The following MACROD2 variants were observed in gnomAD, a reference collection of about 807,000 sequenced individuals.
MACROD2 encodes the protein ADP-ribose glycohydrolase MACROD2.
In MACROD2, 36 loss-of-function variants were observed where a neutral mutation model predicts 70.4. The observed-to-expected ratio is 0.51, with a 90% CI of 0.39 to 0.68. The LOEUF is 0.68. Among genes scored for constraint, MACROD2 ranks in the 30% least tolerant of loss-of-function variants. The pLI, the probability that MACROD2 is intolerant of heterozygous loss-of-function variation, is 0.00. For synonymous variants in MACROD2, 172 were observed against 178.8 expected (o/e 0.96, Z 0.30); for missense variants, 496 against 538.4 (o/e 0.92, Z 0.78).
Position 14,862,690 on chromosome 20 carries a change from A to AAT in MACROD2, c.418+177739_418+177740dup, listed in dbSNP as rs1336291764. On this transcript the variant is annotated intron_variant, in intron 5 of 17. Transcript: ENST00000684519. Reference sequence around the variant, plus strand: ...ATAAATATATATAAATATATATATAAATATATATAAATATATATATATATA... The same window carrying AAT: ...ATAAATATATATAAATATATATATAAATATATATATAAATATATATATATATA... Among the ~76,000 whole-genome samples, 169 of 55,790 alleles carry AAT rather than the reference A, an allele frequency of 3.0e-3. 19 individuals carry two copies. The highest frequency in any genetic ancestry group is 0.016 in the Middle Eastern group (2 of 126). 36.6% of individuals were successfully genotyped at this position (55,790 alleles called of 152,430 possible).
chr20:15,521,264 G>A (rs2047649095), intron 8 of MACROD2, among the ~76,000 whole-genome samples: 1 of 152,156 alleles, frequency 6.6e-6, no homozygotes, highest in Admixed American at 6.5e-5. Context: ...TCGTTTTTCA[G>A]TGAGCATGGC....
chr20:15,250,980 A>T (rs2077150956), intron 6 of MACROD2, among the ~76,000 whole-genome samples: 1 of 152,164 alleles, frequency 6.6e-6, no homozygotes, highest in Non-Finnish European at 1.5e-5. Context: ...TTGCATCAAG[A>T]CCTGATGACT....
rs549706403 is a variant in MACROD2, at chr20:14,025,285, C to G, written c.163+22881C>G. On this transcript the variant is annotated intron_variant, in intron 2 of 17. Transcript: ENST00000684519. ...CTTCTTTATTTGTCTGGGTAGCGTT[C>G]TATCTATTTTGTTAGTCTTCAAAAC... 1.7e-3 allele frequency among the ~76,000 whole-genome samples: 260 copies of G among 152,090 alleles called. 1 individual carries two copies. Among genetic ancestry groups the G allele is most frequent in the Middle Eastern group, 6.8e-3 (2 of 294 alleles).
At chr20:15,673,103 C>T (rs1478704465) in intron 8 of MACROD2, among the ~76,000 whole-genome samples, 2 of 152,152 alleles carry the variant, frequency 1.3e-5, no homozygotes, top group African/African-American at 4.8e-5. Context: ...TCTTTATTAA[C>T]AGTGTGTAAA....
chr20:14,749,210 C>T (rs1317747765), intron 5 of MACROD2, among the ~76,000 whole-genome samples: 1 of 152,044 alleles, frequency 6.6e-6, no homozygotes, highest in Non-Finnish European at 1.5e-5. Context: ...GCAACCATTT[C>T]TGCAGCTCGT....
At chr20:15,873,068 T>C (rs1271966122) in intron 9 of MACROD2, among the ~76,000 whole-genome samples, 5 of 152,220 alleles carry the variant, frequency 3.3e-5, no homozygotes, top group Admixed American at 2.6e-4. Context: ...ATCATCTTTG[T>C]AGTTAAATAT....
intron 8 of MACROD2, among the ~76,000 whole-genome samples, chr20:15,509,694 G>A (rs753113104): frequency 1.1e-4 from 16 of 152,150 alleles, no homozygotes; most frequent in Non-Finnish European, 2.4e-4. Context: ...ACTCCAAAGA[G>A]GAAGTTTGGT....
chr20:14,906,242 C>T (rs966428106), intron 5 of MACROD2, among the ~76,000 whole-genome samples: 20 of 152,090 alleles, frequency 1.3e-4, no homozygotes, highest in African/African-American at 4.8e-4. Context: ...GCCTATAATC[C>T]TAGCACTTTG....
At chr20:15,175,815 T>C (rs942057506) in intron 5 of MACROD2, among the ~76,000 whole-genome samples, 1 of 152,200 alleles carries the variant, frequency 6.6e-6, no homozygotes, top group Non-Finnish European at 1.5e-5. Context: ...GTGTGCTCCA[T>C]AGAGCCAGTG....
At chr20:15,866,677 G>A (rs2064498369) in intron 9 of MACROD2, among the ~76,000 whole-genome samples, 1 of 152,108 alleles carries the variant, frequency 6.6e-6, no homozygotes, top group African/African-American at 2.4e-5. Flanking sequence ...GGAGTATTGG[G>A]GAAAGTCCCA....
chr20:14,395,781 GTTTTAA>G (rs1418828731), intron 3 of MACROD2, among the ~76,000 whole-genome samples: 2 of 152,018 alleles, frequency 1.3e-5, no homozygotes, highest in Non-Finnish European at 2.9e-5. Flanking sequence ...TTGGAATATT[GTTTTAA>G]TTTTAATCAA....
At chr20:14,301,578 T>C (rs2082475506) in intron 3 of MACROD2, among the ~76,000 whole-genome samples, 2 of 152,352 alleles carry the variant, frequency 1.3e-5, no homozygotes, top group African/African-American at 4.8e-5. Context: ...AAGAACATAC[T>C]GAAATGAATG....
intron 9 of MACROD2, 131 bp from the exon 10 acceptor site, chr20:15,885,633 A>G: frequency 1.3e-6 from 1 of 786,036 alleles, no homozygotes; most frequent in Non-Finnish European, 1.8e-6. Flanking sequence ...ACAGAAATGC[A>G]TGTTTTAACA....
intron 10 of MACROD2, among the ~76,000 whole-genome samples, chr20:15,893,329 CATGTG>C (rs2064918584): frequency 6.6e-6 from 1 of 152,378 alleles, no homozygotes; most frequent in South Asian, 2.1e-4. Flanking sequence ...TCAAGATTTG[CATGTG>C]ATGACCAGCT....
intron 4 of MACROD2, among the ~76,000 whole-genome samples, chr20:14,591,735 G>T (rs1334726046): frequency 6.6e-6 from 1 of 152,142 alleles, no homozygotes; most frequent in African/African-American, 2.4e-5. Flanking sequence ...GCAGAGAGGG[G>T]CAATATTATC....
intron 5 of MACROD2, among the ~76,000 whole-genome samples, chr20:14,721,320 CTA>C (rs1419885440): frequency 3.3e-5 from 5 of 150,270 alleles, no homozygotes; most frequent in Non-Finnish European, 5.9e-5. Flanking sequence ...GGATACACAA[CTA>C]TGTTTGCACA....
intron 3 of MACROD2, among the ~76,000 whole-genome samples, chr20:14,397,684 G>A (rs1379006601): frequency 6.6e-6 from 1 of 152,078 alleles, no homozygotes; most frequent in Non-Finnish European, 1.5e-5. Context: ...CATACAATGT[G>A]TAGTGATCAA....
chr20:15,636,171 T>A, intron 8 of MACROD2, among the ~76,000 whole-genome samples: 1 of 145,052 alleles, frequency 6.9e-6, no homozygotes. Context: ...TATTTGGAAA[T>A]CCCCAAGGGT....
intron 5 of MACROD2, among the ~76,000 whole-genome samples, chr20:14,925,641 T>C (rs1234632869): frequency 6.6e-6 from 1 of 152,228 alleles, no homozygotes; most frequent in African/African-American, 2.4e-5. Context: ...TTATATCCTC[T>C]AGAAACCTTG....
Sources: allele counts gnomAD v4.1 joint callset (sites outside exome capture counted in the v4.1 genomes callset), GRCh38; gene constraint gnomAD v4.1.1; transcripts MANE v1.5; gene names NCBI Gene and HGNC (gene_info 2026-07-23, HGNC 2026-07-21).